The following MAF variants were observed in gnomAD, a reference collection of about 807,000 sequenced individuals.
MAF encodes the protein transcription factor Maf.
MAF carries 10 observed loss-of-function variants against 22.0 expected under a neutral mutation model. The ratio of observed to expected loss-of-function variants is 0.45; its 90% CI spans 0.28 to 0.77. The LOEUF (loss-of-function observed/expected upper bound fraction) is 0.77, where lower values mean the gene tolerates loss of function less well. Among genes scored for constraint, MAF ranks in the 30% least tolerant of loss-of-function variants. The pLI, the probability that MAF is intolerant of heterozygous loss-of-function variation, is 0.12. For synonymous variants in MAF, 337 were observed against 255.8 expected, an observed-to-expected ratio of 1.32 and a Z score of -3.03; for missense variants, 544 against 548.4, an observed-to-expected ratio of 0.99 and a Z score of 0.08.
At chr16:79,441,452 C>CTGCT in the MAF span, among the ~76,000 whole-genome samples, 1 of 152,204 alleles carries the variant, frequency 6.6e-6, no homozygotes, top group African/African-American at 2.4e-5. Context: ...CCACTCAGCT[C>CTGCT]TGCTGTTGAA....
the MAF span, among the ~76,000 whole-genome samples, chr16:79,531,786 G>T: frequency 6.6e-6 from 1 of 152,164 alleles, no homozygotes; most frequent in Non-Finnish European, 1.5e-5. Flanking sequence ...TCTGCTGTGT[G>T]ACCTGGTTCC....
chr16:79,333,810 C>T, the MAF span, among the ~76,000 whole-genome samples: 39 of 152,270 alleles, frequency 2.6e-4, no homozygotes, highest in East Asian at 7.0e-3. Flanking sequence ...CCCAGCATCT[C>T]ACCTGGATCT....
chr16:79,552,769 C>A, the MAF span, among the ~76,000 whole-genome samples: 2 of 152,156 alleles, frequency 1.3e-5, no homozygotes, highest in African/African-American at 4.8e-5. Flanking sequence ...CTGGGAGGGG[C>A]ATTTTTTTCT....
chr16:79,455,155 T>C, the MAF span, among the ~76,000 whole-genome samples: 1 of 150,880 alleles, frequency 6.6e-6, no homozygotes, highest in African/African-American at 2.4e-5. Context: ...ATGTCACCTA[T>C]TCCTCTTAAA....
At chr16:79,518,684 A>G in the MAF span, among the ~76,000 whole-genome samples, 1 of 152,212 alleles carries the variant, frequency 6.6e-6, no homozygotes, top group Non-Finnish European at 1.5e-5. Context: ...AAACATTGAA[A>G]ACAGTGCCTG....
At chr16:79,342,295 GC>G in the MAF span, among the ~76,000 whole-genome samples, 1 of 152,122 alleles carries the variant, frequency 6.6e-6, no homozygotes, top group Non-Finnish European at 1.5e-5. Flanking sequence ...AAGAAAGAGG[GC>G]CCTCGTTGCT....
At chr16:79,255,965 C>A in the MAF span, among the ~76,000 whole-genome samples, 2 of 137,964 alleles carry the variant, frequency 1.4e-5, no homozygotes, top group East Asian at 4.1e-4. Context: ...CTTTTCTTTT[C>A]TTTTTTCTTT....
chr16:79,492,284 T>C, the MAF span, among the ~76,000 whole-genome samples: 3 of 152,158 alleles, frequency 2.0e-5, no homozygotes, highest in African/African-American at 2.4e-5. Flanking sequence ...ACGCATTCAT[T>C]CCGGGTGCAA....
At chr16:79,569,930 G>C in the MAF span, among the ~76,000 whole-genome samples, 1 of 151,720 alleles carries the variant, frequency 6.6e-6, no homozygotes, top group Admixed American at 6.6e-5. Context: ...ATCCGGGAGG[G>C]ATGCAGCAAA....
the MAF span, among the ~76,000 whole-genome samples, chr16:79,223,544 A>C: frequency 6.6e-6 from 1 of 152,208 alleles, no homozygotes; most frequent in East Asian, 1.9e-4. Flanking sequence ...GAGACACAAA[A>C]AACCCTTCAA....
the MAF span, among the ~76,000 whole-genome samples, chr16:79,403,467 A>C: frequency 1.2e-4 from 18 of 152,184 alleles, no homozygotes; most frequent in African/African-American, 4.3e-4. Flanking sequence ...GCAGTGGATC[A>C]AGTGCCCGCC....
the MAF span, among the ~76,000 whole-genome samples, chr16:79,516,494 A>G: frequency 2.0e-5 from 3 of 152,172 alleles, no homozygotes; most frequent in African/African-American, 7.2e-5. Flanking sequence ...AGGCTCAGAG[A>G]TGTTAAGTAA....
At chr16:79,540,658 G>A in the MAF span, among the ~76,000 whole-genome samples, 1 of 152,218 alleles carries the variant, frequency 6.6e-6, no homozygotes, top group African/African-American at 2.4e-5. Context: ...ATGCCGGGGA[G>A]ATGGCAGATG....
chr16:79,249,999 G>A, the MAF span, among the ~76,000 whole-genome samples: 1 of 152,086 alleles, frequency 6.6e-6, no homozygotes, highest in Non-Finnish European at 1.5e-5. Flanking sequence ...CAATTCTCTG[G>A]CCTGGCCTCC....
chr16:79,552,889 C>T, the MAF span, among the ~76,000 whole-genome samples: 1 of 152,178 alleles, frequency 6.6e-6, no homozygotes, highest in Non-Finnish European at 1.5e-5. Flanking sequence ...CATTGCAATC[C>T]CAATCTACCA....
At chr16:79,343,523 T>A in the MAF span, among the ~76,000 whole-genome samples, 1 of 152,210 alleles carries the variant, frequency 6.6e-6, no homozygotes, top group Non-Finnish European at 1.5e-5. Context: ...AAATGGAAAC[T>A]TTTTTCATTT....
At chr16:79,371,783 T>G in the MAF span, among the ~76,000 whole-genome samples, 4 of 152,218 alleles carry the variant, frequency 2.6e-5, no homozygotes, top group African/African-American at 9.6e-5. Context: ...ACTAGAATGT[T>G]CTAAAAGGCC....
the MAF span, among the ~76,000 whole-genome samples, chr16:79,364,064 A>C: frequency 6.6e-6 from 1 of 152,140 alleles, no homozygotes; most frequent in East Asian, 1.9e-4. Context: ...CTGCTACTTT[A>C]ATTTAATCCT....
At chr16:79,448,313 T>C in the MAF span, among the ~76,000 whole-genome samples, 1 of 151,582 alleles carries the variant, frequency 6.6e-6, no homozygotes, top group African/African-American at 2.4e-5. Context: ...GCCATCGGAA[T>C]AGAGGCAAGA....
Sources: gnomAD v4.1 joint callset for allele counts (sites outside exome capture counted in the v4.1 genomes callset) on GRCh38, gnomAD v4.1.1 for gene constraint, MANE v1.5 for transcripts, NCBI Gene and HGNC (gene_info 2026-07-23, HGNC 2026-07-21) for gene names.